Variants in ANTXR2 observed in about 807,000 individuals in gnomAD.
ANTXR2 encodes the protein ANTXR cell adhesion molecule 2, also known as anthrax toxin receptor 2.
In ANTXR2, 44 loss-of-function variants were observed where a neutral mutation model predicts 73.7. That is an observed-to-expected ratio of 0.60 (90% CI 0.47 to 0.77). ANTXR2 has a LOEUF of 0.77. Ranked by LOEUF, ANTXR2 falls within the 30% of genes least tolerant of loss-of-function variation. ANTXR2 has a pLI of 0.00. For missense variants in ANTXR2, 604 were observed against 592.5 expected, an observed-to-expected ratio of 1.02 and a Z score of -0.20; for synonymous variants, 217 against 205.9, an observed-to-expected ratio of 1.05 and a Z score of -0.46.
intron 16 of ANTXR2, among the ~76,000 whole-genome samples, chr4:79,922,231 A>T (rs1727621180): frequency 1.3e-5 from 2 of 152,068 alleles, no homozygotes; most frequent in South Asian, 4.1e-4. Flanking sequence ...CAAGCCTTTC[A>T]TTCATAGCCA....
rs1215300284 is a variant in ANTXR2 at position 79,903,497 on chromosome 4, C to A, written c.*3932G>T. ...TCAGCCTTTTCTTTTGGCAGGAGAG[C>A]ACAAAAATAAAATACATTAAAAAAC... On this transcript the variant is annotated 3_prime_UTR_variant, in exon 17 of 17. Transcript: ENST00000403729. 6.6e-6 allele frequency: 1 copy of A among 152,024 alleles called. No individual in the cohort carries two copies. Among genetic ancestry groups the A allele is most frequent in the Non-Finnish European group, 1.5e-5 (1 of 68,010 alleles). 9.4% of individuals were successfully genotyped at this position (152,024 alleles called of 1,614,324 possible).
At chr4:79,973,790 AT>A (rs1278039289) in intron 16 of ANTXR2, among the ~76,000 whole-genome samples, 1 of 152,192 alleles carries the variant, frequency 6.6e-6, no homozygotes, top group Non-Finnish European at 1.5e-5. Flanking sequence ...GGAAATAAAA[AT>A]GTGGGGGATG....
chr4:79,944,564 T>TA (rs929632252), intron 16 of ANTXR2, among the ~76,000 whole-genome samples: 8 of 151,452 alleles, frequency 5.3e-5, no homozygotes, highest in African/African-American at 1.7e-4. Context: ...GTGTGACAAA[T>TA]AAAAGGTATT....
chr4:79,987,541 T>G (rs1730237381), intron 12 of ANTXR2, among the ~76,000 whole-genome samples: 1 of 152,140 alleles, frequency 6.6e-6, no homozygotes, highest in Non-Finnish European at 1.5e-5. Flanking sequence ...ACAAGCAACT[T>G]GGAAAACATA....
upstream of ANTXR2, chr4:80,073,446 C>G (rs896966694): frequency 3.3e-5 from 5 of 152,182 alleles, no homozygotes; most frequent in East Asian, 7.7e-4. Flanking sequence ...AAAACAGCCC[C>G]CATGCGTGGT....
intron 16 of ANTXR2, among the ~76,000 whole-genome samples, chr4:79,921,439 C>T (rs917746182): frequency 3.9e-5 from 6 of 152,018 alleles, no homozygotes; most frequent in African/African-American, 7.2e-5. Flanking sequence ...CCACTGGATT[C>T]ATATAGATTT....
chr4:80,036,952 C>A (rs530084090), intron 7 of ANTXR2, among the ~76,000 whole-genome samples: 13 of 152,176 alleles, frequency 8.5e-5, no homozygotes, highest in African/African-American at 3.1e-4. Flanking sequence ...AGCCAATATT[C>A]TTTTTAAAAA....
chr4:80,044,234 A>G (rs1733412218), intron 7 of ANTXR2, among the ~76,000 whole-genome samples: 1 of 152,010 alleles, frequency 6.6e-6, no homozygotes, highest in African/African-American at 2.4e-5. Context: ...GAGTTTTGTG[A>G]GAACCTTGAC....
chr4:79,915,131 A>G (rs1727293196), intron 16 of ANTXR2, among the ~76,000 whole-genome samples: 1 of 152,184 alleles, frequency 6.6e-6, no homozygotes, highest in Non-Finnish European at 1.5e-5. Context: ...GAGCCTCATA[A>G]TAAGTAAGAA....
intron 16 of ANTXR2, among the ~76,000 whole-genome samples, chr4:79,946,682 A>G (rs1345455112): frequency 6.6e-6 from 1 of 152,176 alleles, no homozygotes; most frequent in Non-Finnish European, 1.5e-5. Context: ...AGTACCCACT[A>G]CAGTTATATT....
intron 7 of ANTXR2, among the ~76,000 whole-genome samples, chr4:80,043,383 TC>T (rs1733367442): frequency 6.6e-6 from 1 of 151,990 alleles, no homozygotes. Context: ...CTTGAATGCC[TC>T]CTTTAAAATG....
intron 16 of ANTXR2, among the ~76,000 whole-genome samples, chr4:79,920,863 T>G (rs1344140770): frequency 6.6e-6 from 1 of 152,134 alleles, no homozygotes; most frequent in Non-Finnish European, 1.5e-5. Flanking sequence ...AAGATTCACA[T>G]GTACAACACA....
chr4:80,001,083 A>G (rs1221978488), intron 12 of ANTXR2, among the ~76,000 whole-genome samples: 1 of 152,106 alleles, frequency 6.6e-6, no homozygotes, highest in Non-Finnish European at 1.5e-5. Flanking sequence ...AGCATTATGC[A>G]TATTAACTTC....
chr4:80,006,398 G>A (rs940551087), intron 12 of ANTXR2, among the ~76,000 whole-genome samples: 7 of 151,360 alleles, frequency 4.6e-5, no homozygotes, highest in Non-Finnish European at 5.9e-5. Context: ...TTTAGAAAAC[G>A]TTTGCTATCA....
chr4:80,055,856 C>T, intron 4 of ANTXR2, 76 bp downstream of exon 4: 2 of 1,105,480 alleles, frequency 1.8e-6, no homozygotes, highest in Non-Finnish European at 2.6e-6. Flanking sequence ...GGTTACTGAG[C>T]TTTGCTAGAG....
chr4:80,046,618 T>C (rs1233255691), intron 7 of ANTXR2, among the ~76,000 whole-genome samples: 2 of 151,782 alleles, frequency 1.3e-5, no homozygotes, highest in Non-Finnish European at 1.5e-5. Context: ...TGCCAAGCAG[T>C]CTTAGTCTAT....
At chr4:79,975,979 C>T (rs1260324376) in intron 16 of ANTXR2, among the ~76,000 whole-genome samples, 2 of 144,844 alleles carry the variant, frequency 1.4e-5, no homozygotes, top group Non-Finnish European at 3.0e-5. Flanking sequence ...GTGGCAAGAT[C>T]TCGGCTCACT....
chr4:80,039,490 T>C (rs553788836), intron 7 of ANTXR2, among the ~76,000 whole-genome samples: 10 of 152,230 alleles, frequency 6.6e-5, no homozygotes, highest in South Asian at 2.1e-4. Context: ...AACAGACACT[T>C]CTCAAAAGAA....
chr4:79,988,426 G>A (rs1052725922), intron 12 of ANTXR2, among the ~76,000 whole-genome samples: 3 of 151,510 alleles, frequency 2.0e-5, no homozygotes, highest in Non-Finnish European at 4.4e-5. Context: ...AATGATAAAA[G>A]TTTCCATTCA....
Sources: allele counts gnomAD v4.1 joint callset (sites outside exome capture counted in the v4.1 genomes callset), GRCh38; gene constraint gnomAD v4.1.1; transcripts MANE v1.5; gene names NCBI Gene and HGNC (gene_info 2026-07-23, HGNC 2026-07-21).